The following CPT2 variants were observed in gnomAD, a reference collection of about 807,000 sequenced individuals.
CPT2 encodes the protein carnitine O-palmitoyltransferase 2, mitochondrial.
A neutral mutation model predicts 48.6 loss-of-function variants in CPT2; 37 were observed. The ratio of observed to expected loss-of-function variants is 0.76; its 90% CI spans 0.59 to 1.00. The LOEUF (loss-of-function observed/expected upper bound fraction) is 1.00, where lower values mean the gene tolerates loss of function less well. Ranked by LOEUF, CPT2 falls within the 50% of genes least tolerant of loss-of-function variation. The pLI is 0.00. For missense variants in CPT2, 772 were observed against 825.6 expected, an observed-to-expected ratio of 0.94 and a Z score of 0.80; for synonymous variants, 319 against 326.9, an observed-to-expected ratio of 0.98 and a Z score of 0.26.
rs746853000 is a variant in CPT2 at position 53,210,433 on chromosome 1, C to T, written c.759C>T (p.Ile253=). Residue 253 remains isoleucine (I), a synonymous_variant, in exon 4 of 5, where the codon ATC becomes ATT. Transcript: ENST00000371486. The part of the protein sequence containing the change: ...LLVLRKGNFY[I]FDVLDQDGNI... Reference sequence around the variant, plus strand: ...TCCTAAGGAAAGGAAATTTTTATATCTTTGATGTCCTGGATCAAGATGGGA... The same window carrying T: ...TCCTAAGGAAAGGAAATTTTTATATTTTTGATGTCCTGGATCAAGATGGGA... 2.5e-6 allele frequency: 4 copies of T among 1,614,016 alleles called. No homozygotes were observed. In the Admixed American group the frequency reaches 6.7e-5, roughly 27 times the overall value.
At chr1:53,209,687 A>C (rs371774159) in intron 3 of CPT2, 63 of 337,778 alleles carry the variant, frequency 1.9e-4, no homozygotes, top group Non-Finnish European at 3.3e-4. Flanking sequence ...GAGGCAGGAG[A>C]ATCGCTTCAA....
Position 53,207,300 on chromosome 1 carries a change from A to T in CPT2, c.341-2715A>T, listed in dbSNP as rs534644956. Among the ~76,000 whole-genome samples the T allele has an allele frequency of 3.3e-5, 5 of 152,286 alleles. No individual in the cohort carries two copies. The East Asian group carries it at 5.8e-4, about 18-fold the overall frequency. ...CAGACTAATACAGTGATCCAGCTAA[A>T]CTGCTTCCCTGGGTTGCCCCTAATG... On this transcript the variant is annotated intron_variant, in intron 3 of 4. Coordinates refer to ENST00000371486, the MANE Select transcript of CPT2 (RefSeq NM_000098.3).
In CPT2 at chr1:53,200,892, C is replaced by T. The variant is rs530178338; in HGVS notation, c.233+93C>T. ...ACCAAGCTTCAGGGAATGTCTGTGA[C>T]GTGGCTGGGTCTCCAGGAACCCAGA... is the stretch of plus-strand genomic sequence containing the variant. On this transcript the variant is annotated intron_variant, in intron 2 of 4. Transcript: ENST00000371486. The T allele has an allele frequency of 1.1e-4, 105 of 999,626 alleles. 1 individual carries two copies. Among genetic ancestry groups the T allele is most frequent in the Non-Finnish European group, 1.5e-4 (95 of 622,528 alleles). The allele number at this position is 999,626 out of a possible 1,614,324, so 61.9% of individuals were successfully genotyped here. A position where few individuals can be genotyped will look rare whatever the true frequency, so the allele number is the denominator to read the frequency against.
In CPT2 at chr1:53,196,834, C is replaced by A. The variant is rs369982767; in HGVS notation, c.-110C>A. 2 of 1,376,756 alleles carry A rather than the reference C, an allele frequency of 1.5e-6. No individual in the cohort carries two copies. The highest frequency in any genetic ancestry group is 2.0e-6 in the Non-Finnish European group (2 of 1,011,930). 85.3% of individuals were successfully genotyped at this position (1,376,756 alleles called of 1,614,324 possible). ...AAGTGGCCTGCGGGCGGAGAAGTGC[C>A]TCAGGAGTCCTGACGCAGTGTCTTG... On this transcript the variant is annotated 5_prime_UTR_variant, in exon 1 of 5. Coordinates refer to ENST00000371486, the MANE Select transcript of CPT2 (RefSeq NM_000098.3).
At chr1:53,198,899 G>C (rs1355480377) in intron 1 of CPT2, among the ~76,000 whole-genome samples, 6 of 152,188 alleles carry the variant, frequency 3.9e-5, no homozygotes, top group Admixed American at 2.6e-4. Context: ...CTGTCGCTCA[G>C]ATTCTAGACT....
At chr1:53,213,204 A>T (rs761530905) in intron 4 of CPT2, 60 bp from the exon 5 acceptor site, 56 of 1,562,350 alleles carry the variant, frequency 3.6e-5, no homozygotes, top group Non-Finnish European at 4.7e-5. Context: ...GTGAGTTGGG[A>T]GGTTTTCCTG....
At chr1:53,198,003 T>G (rs1425502360) in intron 1 of CPT2, among the ~76,000 whole-genome samples, 2 of 152,056 alleles carry the variant, frequency 1.3e-5, no homozygotes, top group South Asian at 2.1e-4. Flanking sequence ...CCTCTTCCCC[T>G]TCCCTCCCCC....
chr1:53,206,296 C>T (rs977296097), intron 3 of CPT2, among the ~76,000 whole-genome samples: 5 of 152,156 alleles, frequency 3.3e-5, no homozygotes, highest in African/African-American at 1.2e-4. Context: ...TCATGGAGAT[C>T]CTCTACTAGG....
Position 53,211,272 on chromosome 1 carries a change from T to C in CPT2, c.1598T>C (p.Val533Ala), listed in dbSNP as rs144703247. 4.0e-4 allele frequency: 650 copies of C among 1,611,954 alleles called. 2 individuals are homozygous for C. The African/African-American group carries it at 7.6e-3, about 19-fold the overall frequency. The change falls in exon 4 of 5, where the codon GTT becomes GCT. Residue 533 changes from valine to alanine, a missense_variant. Physicochemically the swap from Val to Ala is moderately conservative, Grantham distance 64. Coordinates refer to ENST00000371486, the MANE Select transcript of CPT2 (RefSeq NM_000098.3). Reference protein sequence around the residue: ...HSAGELQQMMVECSKYHGQLT... With the variant: ...HSAGELQQMMAECSKYHGQLT... ...GCTGGTGAGCTTCAGCAGATGATGG[T>C]TGAGTGCTCCAAGTACCATGGCCAG...
At chr1:53,200,421 C>A in intron 1 of CPT2, 1 of 343,408 alleles carries the variant, frequency 2.9e-6, no homozygotes, top group South Asian at 2.8e-5. Flanking sequence ...ATCATTGTGA[C>A]CAGAAAACAG....
At chr1:53,205,393 G>T (rs1645381047) in intron 3 of CPT2, among the ~76,000 whole-genome samples, 2 of 152,128 alleles carry the variant, frequency 1.3e-5, no homozygotes, top group African/African-American at 4.8e-5. Flanking sequence ...CATTCAAGAT[G>T]GCTTTTTCTG....
chr1:53,197,859 A>ACC (rs1406909093), intron 1 of CPT2, among the ~76,000 whole-genome samples: 2 of 151,940 alleles, frequency 1.3e-5, no homozygotes, highest in Non-Finnish European at 2.9e-5. Context: ...CACCCTCAGT[A>ACC]CCCCATCCAC....
rs150953507 is a variant in CPT2 at position 53,211,186 on chromosome 1, G to T, written c.1512G>T (p.Pro504=). The stretch of plus-strand genomic sequence containing the variant: ...ACGGCCGCACTGAGACCATCCGCCC[G>T]GCCTCCGTCTATACAAAGAGGTGCT... The part of the protein sequence containing the change: ...FKHGRTETIR[P]ASVYTKRCSE... The change falls in exon 4 of 5, where the codon CCG becomes CCT. Residue 504 remains proline, a synonymous_variant. Transcript: ENST00000371486. 472 of 1,608,258 alleles carry T rather than the reference G, an allele frequency of 2.9e-4. 1 individual carries two copies. In the African/African-American group the frequency reaches 5.6e-3, roughly 19 times the overall value.
chr1:53,213,820 T>G lies in CPT2; in HGVS notation c.*225T>G, dbSNP rs1645448042. ...GGCATGTGCCTATAATCCCAGCTAC[T>G]TGGGAGGTTGAAGCAGAATTGCTTG... On this transcript the variant is annotated 3_prime_UTR_variant, in exon 5 of 5. Transcript: ENST00000371486. 1 of 498,076 alleles carries G rather than the reference T, an allele frequency of 2.0e-6. No individual in the cohort carries two copies. Among genetic ancestry groups the G allele is most frequent in the South Asian group, 2.0e-5 (1 of 49,704 alleles). The allele number at this position is 498,076 out of a possible 1,614,324, so 30.9% of individuals were successfully genotyped here.
chr1:53,212,800 G>A (rs1262066595), intron 4 of CPT2: 2 of 414,910 alleles, frequency 4.8e-6, no homozygotes, highest in Non-Finnish European at 8.5e-6. Context: ...CAAGCCACTG[G>A]CCCCGTTACA....
chr1:53,211,651 G>A, intron 4 of CPT2: 1 of 383,290 alleles, frequency 2.6e-6, no homozygotes, highest in South Asian at 5.9e-5. Context: ...CCAGGCTGGA[G>A]TGCAATGGCG....
In CPT2 at chr1:53,213,354, AC is replaced by A. The variant is rs515726178; in HGVS notation, c.1737del (p.Tyr579Ter). On this transcript the variant is annotated frameshift_variant, in exon 5 of 5. Coordinates refer to ENST00000371486, the MANE Select transcript of CPT2 (RefSeq NM_000098.3). LOFTEE classifies it high-confidence loss of function. The part of the protein sequence containing the change: ...ILPELYLDPA[Y>X]GQINHNVLST... ...CCTGAGCTCTACCTGGACCCTGCAT[AC>A]GGGCAGATAAACCACAATGTCCTGT... is the stretch of plus-strand genomic sequence containing the variant. 1 of 1,614,180 alleles carries A rather than the reference AC, an allele frequency of 6.2e-7. No homozygotes were observed. Among genetic ancestry groups the A allele is most frequent in the East Asian group, 2.2e-5 (1 of 44,866 alleles).
chr1:53,200,908 G>T, intron 2 of CPT2, 109 bp downstream of exon 2: 1 of 860,866 alleles, frequency 1.2e-6, no homozygotes, highest in East Asian at 2.4e-5. Context: ...TGGGTCTCCA[G>T]GAACCCAGAA....
chr1:53,213,923 C>CA lies in CPT2; in HGVS notation c.*335dup, dbSNP rs1250941010. The CA allele has an allele frequency of 1.4e-5, 4 of 279,706 alleles. No individual in the cohort carries two copies. The highest frequency in any genetic ancestry group is 3.9e-5 in the South Asian group (1 of 25,502). The allele number at this position is 279,706 out of a possible 1,614,324, so 17.3% of individuals were successfully genotyped here. A position where few individuals can be genotyped will look rare whatever the true frequency, so the allele number is the denominator to read the frequency against. On this transcript the variant is annotated 3_prime_UTR_variant, in exon 5 of 5. Coordinates refer to ENST00000371486, the MANE Select transcript of CPT2 (RefSeq NM_000098.3). The stretch of plus-strand genomic sequence containing the variant: ...CCTGGGCGACAGAGCGAGACTGTCT[C>CA]AAAAAAACAAAAAAGAAAAAAAAAC...
Sources: allele counts gnomAD v4.1 joint callset (sites outside exome capture counted in the v4.1 genomes callset), GRCh38; gene constraint gnomAD v4.1.1; transcripts MANE v1.5; gene names NCBI Gene and HGNC (gene_info 2026-07-23, HGNC 2026-07-21).